Variants in MACROD2 observed in about 807,000 individuals in gnomAD.
MACROD2 encodes mono-ADP ribosylhydrolase 2.
A neutral mutation model predicts 70.4 loss-of-function variants in MACROD2; 36 were observed. The ratio of observed to expected loss-of-function variants is 0.51; its 90% CI spans 0.39 to 0.68. The LOEUF (loss-of-function observed/expected upper bound fraction) is 0.68. Among genes scored for constraint, MACROD2 ranks in the 30% least tolerant of loss-of-function variants. The probability of loss-of-function intolerance (pLI) is 0.00; values close to 1 mark genes in which losing one functional copy is unlikely to be tolerated. For missense variants in MACROD2, 496 were observed against 538.4 expected, an observed-to-expected ratio of 0.92 and a Z score of 0.78; for synonymous variants, 172 against 178.8, an observed-to-expected ratio of 0.96 and a Z score of 0.30.
chr20:14,639,258 A>AT (rs774726455), intron 4 of MACROD2, among the ~76,000 whole-genome samples: 4 of 151,818 alleles, frequency 2.6e-5, no homozygotes, highest in African/African-American at 4.8e-5. Context: ...AGTAAGCTTA[A>AT]TTTTTTTTAA....
At chr20:15,425,710 G>C (rs980926766) in intron 6 of MACROD2, among the ~76,000 whole-genome samples, 7 of 152,240 alleles carry the variant, frequency 4.6e-5, no homozygotes, top group African/African-American at 1.4e-4. Flanking sequence ...TGCTTATTTA[G>C]GTCAGTCAGC....
intron 5 of MACROD2, among the ~76,000 whole-genome samples, chr20:14,700,768 G>A (rs1219023293): frequency 1.3e-5 from 2 of 152,154 alleles, no homozygotes; most frequent in Non-Finnish European, 2.9e-5. Context: ...CTCTGACACA[G>A]TCATAATCTA....
intron 8 of MACROD2, among the ~76,000 whole-genome samples, chr20:15,786,131 G>A (rs1057028464): frequency 6.7e-6 from 1 of 149,822 alleles, no homozygotes; most frequent in African/African-American, 2.5e-5. Flanking sequence ...AAAGACTAAG[G>A]AGATGAATTT....
At chr20:15,054,004 T>C (rs896965599) in intron 5 of MACROD2, among the ~76,000 whole-genome samples, 1 of 152,172 alleles carries the variant, frequency 6.6e-6, no homozygotes, top group African/African-American at 2.4e-5. Flanking sequence ...GCAAGAGAAC[T>C]TGAATTAGAA....
chr20:14,309,357 G>A (rs1277438950), intron 3 of MACROD2, among the ~76,000 whole-genome samples: 1 of 152,078 alleles, frequency 6.6e-6, no homozygotes, highest in Non-Finnish European at 1.5e-5. Context: ...CTTTCTAGAA[G>A]ACTGGGAAAG....
chr20:14,285,096 C>T (rs2082333571), intron 3 of MACROD2, among the ~76,000 whole-genome samples: 1 of 152,148 alleles, frequency 6.6e-6, no homozygotes. Flanking sequence ...CTCTTTCCCC[C>T]TCAGAAAGGA....
chr20:14,245,803 C>A (rs964166755), intron 3 of MACROD2, among the ~76,000 whole-genome samples: 1 of 152,250 alleles, frequency 6.6e-6, no homozygotes, highest in Non-Finnish European at 1.5e-5. Flanking sequence ...TGCAGACATA[C>A]TTTATCCAGA....
chr20:14,922,409 T>C (rs1181588800), intron 5 of MACROD2, among the ~76,000 whole-genome samples: 1 of 152,198 alleles, frequency 6.6e-6, no homozygotes, highest in Non-Finnish European at 1.5e-5. Flanking sequence ...AAGTAGGACT[T>C]CTAATATTCA....
At chr20:15,103,677 A>T (rs2075889895) in intron 5 of MACROD2, among the ~76,000 whole-genome samples, 1 of 152,148 alleles carries the variant, frequency 6.6e-6, no homozygotes, top group Non-Finnish European at 1.5e-5. Flanking sequence ...AATCAAGGAC[A>T]GTTGAATAAG....
chr20:14,249,973 A>C (rs1052980502), intron 3 of MACROD2, among the ~76,000 whole-genome samples: 5 of 152,166 alleles, frequency 3.3e-5, no homozygotes, highest in Non-Finnish European at 5.9e-5. Context: ...AGGACTTTGG[A>C]GCAGGAGTGT....
intron 6 of MACROD2, among the ~76,000 whole-genome samples, chr20:15,399,869 T>C (rs1424915584): frequency 6.6e-6 from 1 of 152,176 alleles, no homozygotes; most frequent in East Asian, 1.9e-4. Context: ...AAAGAAAATC[T>C]GAGTTGGAGC....
intron 13 of MACROD2, among the ~76,000 whole-genome samples, chr20:15,971,330 G>A (rs1019338826): frequency 2.0e-5 from 3 of 152,170 alleles, no homozygotes; most frequent in African/African-American, 4.8e-5. Flanking sequence ...CCTGTAGGAG[G>A]TAATTGAATC....
rs71190120 is a variant in MACROD2 at position 14,230,669 on chromosome 20, CTATATATATATATATATATATA to C, written c.271+144951_271+144972del. Among the ~76,000 whole-genome samples, 4 of 92,922 alleles carry C rather than the reference CTATATATATATATATATATATA, an allele frequency of 4.3e-5. No homozygotes were observed. In the East Asian group the frequency reaches 1.8e-3, roughly 42 times the overall value. The allele number at this position is 92,922 out of a possible 152,430, so 61.0% of individuals were successfully genotyped here. A position where few individuals can be genotyped will look rare whatever the true frequency, so the allele number is the denominator to read the frequency against. On this transcript the variant is annotated intron_variant, in intron 3 of 17. Coordinates refer to ENST00000684519, the MANE Select transcript of MACROD2 (RefSeq NM_001351661.2). The stretch of plus-strand genomic sequence containing the variant: ...TATATATATATAACACAGGCTGGGC[CTATATATATATATATATATATA>C]TATATATATGGGCCCAGCCTATGTT...
At chr20:15,920,061 G>A (rs1001698557) in intron 10 of MACROD2, among the ~76,000 whole-genome samples, 1 of 152,154 alleles carries the variant, frequency 6.6e-6, no homozygotes, top group African/African-American at 2.4e-5. Flanking sequence ...TGGGAGAAGT[G>A]ACAGGTTCAT....
intron 3 of MACROD2, among the ~76,000 whole-genome samples, chr20:14,313,725 C>G (rs1434558842): frequency 6.6e-6 from 1 of 152,124 alleles, no homozygotes; most frequent in Non-Finnish European, 1.5e-5. Context: ...AATATGTTAA[C>G]TAAGTTTCTG....
At chr20:15,238,665 CTTTAT>C (rs1668641589) in intron 6 of MACROD2, among the ~76,000 whole-genome samples, 1 of 152,018 alleles carries the variant, frequency 6.6e-6, no homozygotes, top group African/African-American at 2.4e-5. Flanking sequence ...AAACTTTTTG[CTTTAT>C]TTCATCTACA....
intron 6 of MACROD2, among the ~76,000 whole-genome samples, chr20:15,232,711 C>T (rs1326447595): frequency 6.6e-6 from 1 of 151,950 alleles, no homozygotes; most frequent in Admixed American, 6.6e-5. Context: ...CACCAGAACT[C>T]TAGACATTTA....
intron 3 of MACROD2, chr20:14,325,122 T>G (rs1172888076): frequency 6.5e-6 from 1 of 152,982 alleles, no homozygotes; most frequent in African/African-American, 2.4e-5. Flanking sequence ...CAGTTTTTTT[T>G]TTTTACATTT....
At chr20:14,081,282 C>T (rs1015628693) in intron 2 of MACROD2, among the ~76,000 whole-genome samples, 1 of 152,214 alleles carries the variant, frequency 6.6e-6, no homozygotes, top group African/African-American at 2.4e-5. Flanking sequence ...CACCTCCATC[C>T]TGCTCCTTGG....
Sources: allele counts gnomAD v4.1 joint callset (sites outside exome capture counted in the v4.1 genomes callset), GRCh38; gene constraint gnomAD v4.1.1; transcripts MANE v1.5; gene names NCBI Gene and HGNC (gene_info 2026-07-23, HGNC 2026-07-21).